The following TPRA1 variants were observed in gnomAD, a reference collection of about 807,000 sequenced individuals.
TPRA1 encodes the protein transmembrane protein adipocyte associated 1.
In TPRA1, 28 loss-of-function variants were observed where a neutral mutation model predicts 40.1. The observed-to-expected ratio is 0.70, with a 90% CI of 0.52 to 0.96. TPRA1 has a LOEUF of 0.96. Among genes scored for constraint, TPRA1 ranks in the 40% least tolerant of loss-of-function variants. The pLI is 0.00. For missense variants in TPRA1, 441 were observed against 482.6 expected, an observed-to-expected ratio of 0.91 and a Z score of 0.81; for synonymous variants, 219 against 209.7, an observed-to-expected ratio of 1.04 and a Z score of -0.38.
At chr3:127,589,986 G>C (rs978754101) in intron 1 of TPRA1, among the ~76,000 whole-genome samples, 6 of 152,220 alleles carry the variant, frequency 3.9e-5, no homozygotes, top group African/African-American at 1.4e-4. Flanking sequence ...GCCCCCTCAC[G>C]GGGCAGCAAA....
At chr3:127,592,387 T>G (rs1026091722), upstream of TPRA1, among the ~76,000 whole-genome samples, 20 of 143,082 alleles carry the variant, frequency 1.4e-4, no homozygotes, top group Non-Finnish European at 3.1e-4. Flanking sequence ...TTTTTTTTTT[T>G]TTTTTTTTTG....
upstream of TPRA1, among the ~76,000 whole-genome samples, chr3:127,592,367 GTTTTTTTTTTTTTTT>G (rs746017013): frequency 1.7e-4 from 15 of 88,538 alleles, no homozygotes; most frequent in South Asian, 8.2e-4. Context: ...GCAACATGCT[GTTTTTTTTTTTTTTT>G]TTTTTTTTTT....
chr3:127,581,206 A>G (rs2073819983), intron 1 of TPRA1, among the ~76,000 whole-genome samples: 1 of 152,196 alleles, frequency 6.6e-6, no homozygotes, highest in Non-Finnish European at 1.5e-5. Flanking sequence ...ATTTGAACAG[A>G]TTGGGCCAGA....
intron 2 of TPRA1, 64 bp downstream of exon 2, chr3:127,579,958 C>T (rs980483625): frequency 6.8e-6 from 11 of 1,608,368 alleles, no homozygotes; most frequent in African/African-American, 2.7e-5. Flanking sequence ...ACCCTCACCA[C>T]CCCCCTACAC....
At chr3:127,575,366 G>T (rs2073567137) in intron 9 of TPRA1, 37 bp downstream of exon 9, 1 of 1,570,468 alleles carries the variant, frequency 6.4e-7, no homozygotes, top group Non-Finnish European at 8.6e-7. Flanking sequence ...CACTTCCCAT[G>T]CCCCCACGAG....
chr3:127,575,705 C>T (rs1270889923), intron 8 of TPRA1, 44 bp downstream of exon 8: 2 of 1,605,352 alleles, frequency 1.2e-6, no homozygotes, highest in Non-Finnish European at 1.7e-6. Flanking sequence ...CGGTAGACTC[C>T]CTCCCATCCC....
Position 127,575,797 on chromosome 3 carries a change from C to A in TPRA1, c.622G>T (p.Val208Leu). The change falls in exon 8 of 11, where the codon GTG (valine) becomes TTG (leucine). Residue 208 changes from valine to leucine, a missense_variant. Coordinates refer to ENST00000355552, the MANE Select transcript of TPRA1 (RefSeq NM_001136053.4). ...AGCGGGGTCTTGGGAAGGATGACCA[C>A]CAGAGAGTAGACCTACAGAGACAGG... Reference protein sequence around the residue: ...SCFFFLVYSLVVILPKTPLKE... With the variant: ...SCFFFLVYSLLVILPKTPLKE... The A allele has an allele frequency of 6.2e-7, 1 of 1,613,900 alleles. No homozygotes were observed. The highest frequency in any genetic ancestry group is 8.5e-7 in the Non-Finnish European group (1 of 1,180,016).
In TPRA1 at chr3:127,573,434, TC is replaced by T; in HGVS notation, c.*86del. On this transcript the variant is annotated 3_prime_UTR_variant, in exon 11 of 11. Transcript: ENST00000355552. ...ACACAGGGCTACTGCCCACAGAACGTCCCTTGACCTGGTCCTCCTCCCCTGG... is the reference window on the plus strand; with the variant it reads ...ACACAGGGCTACTGCCCACAGAACGTCCTTGACCTGGTCCTCCTCCCCTGG... The T allele has an allele frequency of 6.7e-7, 1 of 1,487,506 alleles. No individual in the cohort carries two copies. The highest frequency in any genetic ancestry group is 9.0e-7 in the Non-Finnish European group (1 of 1,117,154). The allele number at this position is 1,487,506 out of a possible 1,614,324, so 92.1% of individuals were successfully genotyped here.
intron 3 of TPRA1, 31 bp downstream of exon 3, chr3:127,579,709 T>G (rs1032345585): frequency 5.6e-6 from 9 of 1,611,054 alleles, no homozygotes; most frequent in African/African-American, 1.3e-5. Flanking sequence ...CCAGTTGGAG[T>G]TGGCTTTTCT....
chr3:127,575,648 C>A (rs1311020111), intron 8 of TPRA1, 101 bp downstream of exon 8: 1 of 1,534,184 alleles, frequency 6.5e-7, no homozygotes, highest in South Asian at 1.1e-5. Flanking sequence ...AGCTCCCAGC[C>A]TGGAACTCTA....
rs1280070575 is a variant in TPRA1 at position 127,572,473 on chromosome 3, C to T, written c.*1048G>A. On this transcript the variant is annotated 3_prime_UTR_variant, in exon 11 of 11. Transcript: ENST00000355552. ...GGGACAAGTGGGCCCCTCTCCCCTA[C>T]TCATGCCTTATGATCCCAGTGCTTT... is the stretch of plus-strand genomic sequence containing the variant. Among the ~76,000 whole-genome samples, 1 of 152,238 alleles carries T rather than the reference C, an allele frequency of 6.6e-6. No individual in the cohort carries two copies. Among genetic ancestry groups the T allele is most frequent in the Non-Finnish European group, 1.5e-5 (1 of 68,046 alleles).
chr3:127,576,064 C>T lies in TPRA1; in HGVS notation c.499-14G>A, dbSNP rs377204281. ...CTCCAGGGTCCCCTGCAGGGGCAAGCAGGAAGGGAGGAAGGGAGAGGATCT... is the reference window on the plus strand; with the variant it reads ...CTCCAGGGTCCCCTGCAGGGGCAAGTAGGAAGGGAGGAAGGGAGAGGATCT... On this transcript the variant is annotated splice_polypyrimidine_tract_variant and intron_variant, in intron 6 of 10. Coordinates refer to ENST00000355552, the MANE Select transcript of TPRA1 (RefSeq NM_001136053.4). The surrounding 1 kb of genome is among the most constrained non-coding windows in gnomAD (Gnocchi z 4.6). 1,800 of 1,598,318 alleles carry T rather than the reference C, an allele frequency of 1.1e-3. 1 individual carries two copies. The highest frequency in any genetic ancestry group is 1.5e-3 in the Non-Finnish European group (1,719 of 1,166,422).
At chr3:127,574,922 TTG>T (rs542342228) in intron 10 of TPRA1, 46 of 531,852 alleles carry the variant, frequency 8.6e-5, no homozygotes, top group Non-Finnish European at 1.3e-4. Context: ...ATGTGCGTGT[TTG>T]TGTGTGCATG....
chr3:127,598,199 C>T (rs1310266687), exon 1 of TPRA1: 3 of 559,282 alleles, frequency 5.4e-6, no homozygotes, highest in Non-Finnish European at 9.6e-6. Flanking sequence ...CTTCTACCTC[C>T]GCTCCAGCTC....
At chr3:127,590,821 G>GAA (rs34198260), upstream of TPRA1, 29 of 145,794 alleles carry the variant, frequency 2.0e-4, no homozygotes, top group African/African-American at 3.5e-4. Context: ...ATCACTGGGG[G>GAA]AAAAAAAAAA....
chr3:127,574,846 ATG>A (rs1159301038), intron 10 of TPRA1: 2 of 385,226 alleles, frequency 5.2e-6, no homozygotes, highest in Admixed American at 4.3e-5. Flanking sequence ...GCACGTGTTC[ATG>A]TGTGTATGCA....
At position 127,574,091 on chromosome 3, in the gene TPRA1, G is replaced by C. The variant is rs1192290633; in HGVS notation, c.855-303C>G. On this transcript the variant is annotated intron_variant, in intron 10 of 10. Coordinates refer to ENST00000355552, the MANE Select transcript of TPRA1 (RefSeq NM_001136053.4). The stretch of plus-strand genomic sequence containing the variant: ...ACATAAATCATGAGGCTTCAACAGT[G>C]CCTGCCCAAGCACTCAGGAGACATT... 3.3e-5 allele frequency among the ~76,000 whole-genome samples: 5 copies of C among 152,342 alleles called. No homozygotes were observed. In the South Asian group the frequency reaches 8.3e-4, roughly 25 times the overall value.
At position 127,571,964 on chromosome 3, in the gene TPRA1, G is replaced by A. The variant is rs2073389088; in HGVS notation, c.*1557C>T. 1.3e-5 allele frequency: 2 copies of A among 152,134 alleles called. No homozygotes were observed. The highest frequency in any genetic ancestry group is 4.1e-4 in the South Asian group (2 of 4,830). 9.4% of individuals were successfully genotyped at this position (152,134 alleles called of 1,614,324 possible). On this transcript the variant is annotated 3_prime_UTR_variant, in exon 11 of 11. Transcript: ENST00000355552. ...GGATCTGATGGTCAAATCCCTGCTG[G>A]CCCCAACCCTTACCCCGCTCACTCA... is the stretch of plus-strand genomic sequence containing the variant.
intron 10 of TPRA1, among the ~76,000 whole-genome samples, chr3:127,574,742 G>T (rs1332732716): frequency 1.3e-5 from 2 of 152,212 alleles, no homozygotes; most frequent in Non-Finnish European, 2.9e-5. Context: ...TCTCTCGTGG[G>T]GAGAGTATGT....
Sources: allele counts gnomAD v4.1 joint callset (sites outside exome capture counted in the v4.1 genomes callset), GRCh38; gene constraint gnomAD v4.1.1; non-coding constraint Gnocchi (gnomAD v3.1); transcripts MANE v1.5; gene names NCBI Gene and HGNC (gene_info 2026-07-23, HGNC 2026-07-21).